ARB2A: variants seen among roughly 807,000 people sequenced by gnomAD.
ARB2A encodes the protein ARB2 cotranscriptional regulator A.
the ARB2A span, among the ~76,000 whole-genome samples, chr5:93,722,295 T>C: frequency 6.6e-6 from 1 of 152,160 alleles, no homozygotes; most frequent in East Asian, 1.9e-4. Context: ...GAATTTAAAA[T>C]ATTCTTTTCT....
chr5:93,697,284 ATC>A, the ARB2A span, among the ~76,000 whole-genome samples: 18 of 151,390 alleles, frequency 1.2e-4, no homozygotes, highest in Non-Finnish European at 2.7e-4. Flanking sequence ...CCCTTTCTAT[ATC>A]TCTCCCCTTT....
the ARB2A span, among the ~76,000 whole-genome samples, chr5:93,668,835 TGAAA>T: frequency 6.6e-6 from 1 of 152,136 alleles, no homozygotes; most frequent in Non-Finnish European, 1.5e-5. Context: ...CATCAGACCA[TGAAA>T]GAGACAATGG....
chr5:94,005,761 G>A, the ARB2A span, among the ~76,000 whole-genome samples: 1 of 152,180 alleles, frequency 6.6e-6, no homozygotes, highest in Non-Finnish European at 1.5e-5. Context: ...ATACACAGGT[G>A]TTGAGTAAGC....
the ARB2A span, among the ~76,000 whole-genome samples, chr5:94,061,085 A>T: frequency 5.2e-3 from 786 of 152,224 alleles, 5 homozygotes; most frequent in Non-Finnish European, 8.9e-3. Context: ...AAAAATACAA[A>T]AAATTAGCCG....
At chr5:93,792,336 G>T in the ARB2A span, among the ~76,000 whole-genome samples, 1 of 152,162 alleles carries the variant, frequency 6.6e-6, no homozygotes, top group African/African-American at 2.4e-5. Context: ...AAAAAACTAA[G>T]GCAGGCTCAG....
the ARB2A span, among the ~76,000 whole-genome samples, chr5:93,933,448 T>C: frequency 2.0e-5 from 3 of 152,118 alleles, no homozygotes; most frequent in Non-Finnish European, 2.9e-5. Flanking sequence ...GTAGCACATA[T>C]ACACCATGGA....
chr5:93,910,429 A>T, the ARB2A span, among the ~76,000 whole-genome samples: 1 of 151,226 alleles, frequency 6.6e-6, no homozygotes, highest in Non-Finnish European at 1.5e-5. Context: ...TTCAGAAAAA[A>T]ATCTAAACTA....
At chr5:93,683,168 T>A in the ARB2A span, 5 of 1,358,294 alleles carry the variant, frequency 3.7e-6, no homozygotes, top group Non-Finnish European at 5.2e-6. Context: ...TTCAGCTTCC[T>A]CATCATCAAA....
the ARB2A span, among the ~76,000 whole-genome samples, chr5:93,747,324 G>A: frequency 0.018 from 2,801 of 152,072 alleles, 43 homozygotes; most frequent in Non-Finnish European, 0.027. Flanking sequence ...CAAGTTTGAG[G>A]CCTCTGAGAA....
the ARB2A span, among the ~76,000 whole-genome samples, chr5:93,880,911 C>T: frequency 3.3e-5 from 5 of 151,714 alleles, no homozygotes; most frequent in East Asian, 5.8e-4. Flanking sequence ...ATATTAATTA[C>T]TCTTCCTCCC....
the ARB2A span, among the ~76,000 whole-genome samples, chr5:94,036,675 T>C: frequency 6.6e-6 from 1 of 152,176 alleles, no homozygotes; most frequent in Non-Finnish European, 1.5e-5. Flanking sequence ...TTTTGTTTTG[T>C]TCTGTTTCTG....
chr5:93,697,022 A>G, the ARB2A span, among the ~76,000 whole-genome samples: 2 of 144,218 alleles, frequency 1.4e-5, no homozygotes, highest in East Asian at 4.1e-4. Flanking sequence ...AGATTGCACC[A>G]CTGCATTCCA....
chr5:93,780,630 G>C, the ARB2A span, among the ~76,000 whole-genome samples: 17 of 149,322 alleles, frequency 1.1e-4, no homozygotes, highest in Admixed American at 2.7e-4. Flanking sequence ...CATGATCTCA[G>C]CTCACTGCAA....
At chr5:94,085,173 C>G in the ARB2A span, among the ~76,000 whole-genome samples, 1 of 152,172 alleles carries the variant, frequency 6.6e-6, no homozygotes, top group Non-Finnish European at 1.5e-5. Context: ...TACATGTACA[C>G]CAGGGGACAG....
At chr5:93,819,068 C>T in the ARB2A span, among the ~76,000 whole-genome samples, 3 of 151,078 alleles carry the variant, frequency 2.0e-5, no homozygotes, top group Admixed American at 2.0e-4. Flanking sequence ...TGCCTGTAGT[C>T]CCAGCTACAC....
the ARB2A span, among the ~76,000 whole-genome samples, chr5:93,940,931 A>G: frequency 0.091 from 13,917 of 152,176 alleles, 807 homozygotes; most frequent in Middle Eastern, 0.16. Flanking sequence ...ATTAATGGAA[A>G]TAAAAGAGTT....
chr5:93,752,891 A>G, the ARB2A span, among the ~76,000 whole-genome samples: 26 of 152,210 alleles, frequency 1.7e-4, no homozygotes, highest in Non-Finnish European at 3.4e-4. Context: ...GTAGCATACA[A>G]CAATGAATAG....
chr5:93,758,799 G>T, the ARB2A span, among the ~76,000 whole-genome samples: 1 of 152,014 alleles, frequency 6.6e-6, no homozygotes, highest in Non-Finnish European at 1.5e-5. Context: ...AACACTGAAA[G>T]AGTAAAAACT....
the ARB2A span, among the ~76,000 whole-genome samples, chr5:93,896,413 C>T: frequency 2.0e-5 from 3 of 152,060 alleles, no homozygotes; most frequent in African/African-American, 7.2e-5. Context: ...TTACTAAAAA[C>T]ACTGTATAAA....
Sources: allele counts gnomAD v4.1 joint callset (sites outside exome capture counted in the v4.1 genomes callset), GRCh38; gene constraint gnomAD v4.1.1; transcripts MANE v1.5; gene names NCBI Gene and HGNC (gene_info 2026-07-23, HGNC 2026-07-21).